The following ROBO2 variants were observed in gnomAD, a reference collection of about 807,000 sequenced individuals.
The protein encoded by ROBO2 is roundabout guidance receptor 2, also known as roundabout homolog 2.
Under a neutral mutation model 160.8 loss-of-function variants are expected in ROBO2, and 53 were observed. That is an observed-to-expected ratio of 0.33 (90% CI 0.26 to 0.41). The LOEUF (loss-of-function observed/expected upper bound fraction) is 0.41, where lower values mean the gene tolerates loss of function less well. Ranked by LOEUF, ROBO2 falls within the 10% of genes least tolerant of loss-of-function variation. ROBO2 has a pLI of 1.00. For missense variants in ROBO2, 1,577 were observed against 1,722.4 expected, an observed-to-expected ratio of 0.92 and a Z score of 1.49; for synonymous variants, 664 against 611.7, an observed-to-expected ratio of 1.09 and a Z score of -1.26.
intron 2 of ROBO2, among the ~76,000 whole-genome samples, chr3:77,445,181 C>T (rs77250047): frequency 0.013 from 2,040 of 152,218 alleles, 45 homozygotes; most frequent in African/African-American, 0.044. Context: ...GAAAGATGGG[C>T]ACCTGGCCCA....
chr3:77,148,889 C>T (rs1454795283), intron 2 of ROBO2, among the ~76,000 whole-genome samples: 1 of 152,056 alleles, frequency 6.6e-6, no homozygotes, highest in Non-Finnish European at 1.5e-5. Context: ...GAATCCACTC[C>T]CTCTGAGATT....
Position 76,598,128 on chromosome 3 carries a change from G to T in ROBO2, c.110-499886G>T, listed in dbSNP as rs530698695. On this transcript the variant is annotated intron_variant, in intron 2 of 26. Transcript: ENST00000487694. ...TATTGATAGATGCAATACCTTGAAT[G>T]AATATTCAGGAAATTACACTGAGTG... is the stretch of plus-strand genomic sequence containing the variant. Among the ~76,000 whole-genome samples the T allele has an allele frequency of 1.1e-4, 16 of 151,496 alleles. No individual in the cohort carries two copies. The East Asian group carries it at 3.1e-3, about 29-fold the overall frequency.
At chr3:77,215,267 C>G (rs2084773955) in intron 2 of ROBO2, among the ~76,000 whole-genome samples, 1 of 152,124 alleles carries the variant, frequency 6.6e-6, no homozygotes, top group African/African-American at 2.4e-5. Flanking sequence ...TTCTTGGAGG[C>G]TTTGTTCATT....
chr3:76,067,764 T>C (rs953230191), intron 2 of ROBO2, among the ~76,000 whole-genome samples: 2 of 152,188 alleles, frequency 1.3e-5, no homozygotes, highest in African/African-American at 4.8e-5. Flanking sequence ...GTGTATGTGA[T>C]TGCATATTGT....
At chr3:77,431,848 A>T (rs2078806837) in intron 2 of ROBO2, among the ~76,000 whole-genome samples, 1 of 152,166 alleles carries the variant, frequency 6.6e-6, no homozygotes, top group African/African-American at 2.4e-5. Flanking sequence ...TCTATAAGGA[A>T]GTCTACAAGA....
At chr3:76,997,576 C>G (rs758391504) in intron 2 of ROBO2, among the ~76,000 whole-genome samples, 7 of 152,064 alleles carry the variant, frequency 4.6e-5, no homozygotes, top group African/African-American at 7.2e-5. Flanking sequence ...TTTATGAAAG[C>G]AATGTAATTA....
At chr3:77,492,197 C>T (rs1004342403) in intron 4 of ROBO2, among the ~76,000 whole-genome samples, 1 of 152,144 alleles carries the variant, frequency 6.6e-6, no homozygotes, top group African/African-American at 2.4e-5. Flanking sequence ...GCTTAGTTCT[C>T]TTTCTACCTC....
At chr3:77,611,298 A>AG (rs11384651) in intron 21 of ROBO2, among the ~76,000 whole-genome samples, 1 of 20,494 alleles carries the variant, frequency 4.9e-5, no homozygotes, top group Non-Finnish European at 1.2e-4. Flanking sequence ...ACTCTGTCTC[A>AG]AAAAAAAAAA....
intron 2 of ROBO2, among the ~76,000 whole-genome samples, chr3:77,318,659 T>C (rs1489008457): frequency 1.3e-5 from 2 of 152,172 alleles, no homozygotes; most frequent in East Asian, 3.9e-4. Context: ...TAAACCTCGA[T>C]GTTCTCATCT....
At chr3:76,622,257 A>AGAAG (rs2089233659) in intron 2 of ROBO2, among the ~76,000 whole-genome samples, 2 of 62,126 alleles carry the variant, frequency 3.2e-5, no homozygotes, top group Non-Finnish European at 6.6e-5. Flanking sequence ...AAAGAAAGAA[A>AGAAG]GAAAGAAAGA....
At chr3:75,928,171 A>C (rs1484626950) in intron 1 of ROBO2, among the ~76,000 whole-genome samples, 1 of 149,400 alleles carries the variant, frequency 6.7e-6, no homozygotes, top group Non-Finnish European at 1.5e-5. Flanking sequence ...TTTTTAGTAG[A>C]GACAGGGTTT....
At chr3:76,100,939 C>T (rs1029159092) in intron 2 of ROBO2, among the ~76,000 whole-genome samples, 1 of 151,844 alleles carries the variant, frequency 6.6e-6, no homozygotes, top group Non-Finnish European at 1.5e-5. Flanking sequence ...CGGGCATGGT[C>T]GTGGCTCACT....
intron 2 of ROBO2, among the ~76,000 whole-genome samples, chr3:77,000,236 A>G (rs1284225981): frequency 6.6e-6 from 1 of 152,194 alleles, no homozygotes; most frequent in African/African-American, 2.4e-5. Flanking sequence ...CATGGACTCT[A>G]TAAACCTGAG....
chr3:76,009,070 T>C (rs1351759225), intron 2 of ROBO2, among the ~76,000 whole-genome samples: 1 of 152,044 alleles, frequency 6.6e-6, no homozygotes, highest in Non-Finnish European at 1.5e-5. Context: ...CATGAGGCTC[T>C]TATAACATAC....
chr3:77,443,440 T>G (rs911624286), intron 2 of ROBO2, among the ~76,000 whole-genome samples: 4 of 152,140 alleles, frequency 2.6e-5, no homozygotes, highest in African/African-American at 9.7e-5. Flanking sequence ...TGCCACTCAT[T>G]GCCCAATTTA....
rs181175499 is a variant in ROBO2, at chr3:76,601,595, C to T, written c.110-496419C>T. 2.2e-4 allele frequency among the ~76,000 whole-genome samples: 34 copies of T among 152,242 alleles called. 1 individual carries two copies. The highest frequency in any genetic ancestry group is 1.7e-3 in the East Asian group (9 of 5,168). On this transcript the variant is annotated intron_variant, in intron 2 of 26. Coordinates refer to the ROBO2 transcript ENST00000487694. ...TACCTTGGCCCCTTTTAGTCACGGCCGGAGTGGCTGGAACACAGGGCACCA... is the reference window on the plus strand; with the variant it reads ...TACCTTGGCCCCTTTTAGTCACGGCTGGAGTGGCTGGAACACAGGGCACCA...
chr3:76,761,279 G>C (rs1159480981), intron 2 of ROBO2, among the ~76,000 whole-genome samples: 1 of 151,744 alleles, frequency 6.6e-6, no homozygotes, highest in Non-Finnish European at 1.5e-5. Context: ...TTCTGAGTAA[G>C]AGAGTTCAGA....
At chr3:77,111,144 GA>G (rs1221618924) in intron 2 of ROBO2, among the ~76,000 whole-genome samples, 1 of 151,296 alleles carries the variant, frequency 6.6e-6, no homozygotes, top group Non-Finnish European at 1.5e-5. Context: ...CTTGTTTATG[GA>G]AAAAAAAGAC....
At position 76,639,704 on chromosome 3, in the gene ROBO2, ATC is replaced by A. The variant is rs527660640; in HGVS notation, c.110-458307_110-458306del. ...AGAATGAATAGTGAAGACATGATTC[ATC>A]TCACACGAATACATGATGCTCTTCC... On this transcript the variant is annotated intron_variant, in intron 2 of 26. Coordinates refer to the ROBO2 transcript ENST00000487694. 1.0e-3 allele frequency among the ~76,000 whole-genome samples: 154 copies of A among 152,314 alleles called. 3 individuals carry two copies. The highest frequency in any genetic ancestry group is 3.6e-3 in the African/African-American group (149 of 41,570).
Sources: allele counts gnomAD v4.1 joint callset (sites outside exome capture counted in the v4.1 genomes callset), GRCh38; gene constraint gnomAD v4.1.1; transcripts MANE v1.5; gene names NCBI Gene and HGNC (gene_info 2026-07-23, HGNC 2026-07-21).